The following PLA2G4E variants were observed in gnomAD, a reference collection of about 807,000 sequenced individuals.
The protein encoded by PLA2G4E is cytosolic phospholipase A2 epsilon.
PLA2G4E carries 84 observed loss-of-function variants against 109.1 expected under a neutral mutation model. The ratio of observed to expected loss-of-function variants is 0.77; its 90% CI spans 0.65 to 0.92. PLA2G4E has a LOEUF of 0.92. PLA2G4E is among the 40% of genes least tolerant of loss of function. The pLI is 0.00. For synonymous variants in PLA2G4E, 469 were observed against 436.1 expected, an observed-to-expected ratio of 1.08 and a Z score of -0.94; for missense variants, 1,057 against 1,076.6, an observed-to-expected ratio of 0.98 and a Z score of 0.25.
At chr15:42,032,406 A>G (rs1889128585) in intron 1 of PLA2G4E, among the ~76,000 whole-genome samples, 2 of 152,220 alleles carry the variant, frequency 1.3e-5, no homozygotes, top group African/African-American at 4.8e-5. Context: ...AAGGGGAGGC[A>G]GAAGGGGCAG....
chr15:42,039,623 A>G (rs566227180), intron 1 of PLA2G4E, among the ~76,000 whole-genome samples: 1 of 152,256 alleles, frequency 6.6e-6, no homozygotes, highest in East Asian at 1.9e-4. Flanking sequence ...CTGGATTATA[A>G]AGATAAATAA....
At chr15:42,029,965 T>C (rs1889084817) in intron 1 of PLA2G4E, among the ~76,000 whole-genome samples, 1 of 151,682 alleles carries the variant, frequency 6.6e-6, no homozygotes, top group Admixed American at 6.6e-5. Flanking sequence ...AGAAGAGAGG[T>C]AAAAATAAGC....
intron 1 of PLA2G4E, among the ~76,000 whole-genome samples, chr15:42,024,294 T>C (rs777821047): frequency 6.6e-6 from 1 of 152,084 alleles, no homozygotes; most frequent in Non-Finnish European, 1.5e-5. Context: ...TTTGGTAGAG[T>C]TCCTTCTGTG....
At chr15:42,019,676 G>A (rs2068629461) in intron 1 of PLA2G4E, among the ~76,000 whole-genome samples, 1 of 152,222 alleles carries the variant, frequency 6.6e-6, no homozygotes, top group South Asian at 2.1e-4. Flanking sequence ...GAGACCATTG[G>A]GAGGGGACAT....
intron 7 of PLA2G4E, 83 bp from the exon 8 acceptor site, chr15:42,000,365 A>T: frequency 7.5e-6 from 10 of 1,330,150 alleles, no homozygotes; most frequent in Non-Finnish European, 1.0e-5. Context: ...ACCTATTTGG[A>T]GGTATCCAGG....
At chr15:41,990,045 G>A in intron 14 of PLA2G4E, 76 bp downstream of exon 14, 1 of 1,085,970 alleles carries the variant, frequency 9.2e-7, no homozygotes, top group Non-Finnish European at 1.4e-6. Flanking sequence ...GGGGGACCTG[G>A]AGGTGCTGGG....
intron 1 of PLA2G4E, among the ~76,000 whole-genome samples, chr15:42,029,855 G>T (rs1318172993): frequency 6.6e-6 from 1 of 152,114 alleles, no homozygotes. Flanking sequence ...GTAACATCAG[G>T]GATACAAAGA....
intron 15 of PLA2G4E, 138 bp downstream of exon 15, chr15:41,989,277 C>T (rs1360159337): frequency 1.6e-6 from 2 of 1,228,578 alleles, no homozygotes; most frequent in Non-Finnish European, 2.2e-6. Context: ...CAACTCTGGT[C>T]CCCAGTGACT....
At position 42,040,502 on chromosome 15, in the gene PLA2G4E, AT is replaced by A. The variant is rs371094748; in HGVS notation, c.183+10018del. 2.4e-3 allele frequency among the ~76,000 whole-genome samples: 361 copies of A among 152,364 alleles called. 3 individuals are homozygous for A. Among genetic ancestry groups the A allele is most frequent in the African/African-American group, 8.4e-3 (349 of 41,584 alleles). ...AAGCAAGATATGAAATTGAGATGCA[AT>A]AAAGGAAAATGAATGGATAATTCTG... On this transcript the variant is annotated intron_variant, in intron 1 of 19. Transcript: ENST00000399518.
At chr15:42,013,132 G>A (rs2068554222) in intron 2 of PLA2G4E, among the ~76,000 whole-genome samples, 1 of 152,216 alleles carries the variant, frequency 6.6e-6, no homozygotes, top group African/African-American at 2.4e-5. Context: ...GTGCTGCTAA[G>A]TCAAGCCACA....
At chr15:41,982,151 C>G (rs180921766) in exon 20 of PLA2G4E, 1 of 152,302 alleles carries the variant, frequency 6.6e-6, no homozygotes, top group East Asian at 1.9e-4. Flanking sequence ...CCTCACAACC[C>G]AAAGACTGCT....
chr15:42,045,840 C>G (rs528328715), intron 1 of PLA2G4E, among the ~76,000 whole-genome samples: 1 of 152,192 alleles, frequency 6.6e-6, no homozygotes, highest in African/African-American at 2.4e-5. Context: ...CAACTTGTCT[C>G]CTGAGTTCCA....
intron 1 of PLA2G4E, among the ~76,000 whole-genome samples, chr15:42,021,899 C>T (rs1566847055): frequency 6.6e-6 from 1 of 152,228 alleles, no homozygotes; most frequent in African/African-American, 2.4e-5. Flanking sequence ...ATGGGACAGA[C>T]TGGGCCTGAA....
chr15:41,984,710 C>A, intron 18 of PLA2G4E, 91 bp from the exon 19 acceptor site: 1 of 1,231,588 alleles, frequency 8.1e-7, no homozygotes, highest in East Asian at 2.5e-5. Context: ...CCTGATTTCC[C>A]CAGCTAACAA....
exon 20 of PLA2G4E, chr15:41,983,770 C>A (rs768607606): frequency 2.4e-5 from 38 of 1,593,180 alleles, no homozygotes; most frequent in Non-Finnish European, 2.8e-5. Flanking sequence ...GGGACACTGG[C>A]CCTTCAGGCG....
intron 1 of PLA2G4E, among the ~76,000 whole-genome samples, chr15:42,023,582 T>A (rs1358206344): frequency 6.6e-6 from 1 of 151,946 alleles, no homozygotes; most frequent in Non-Finnish European, 1.5e-5. Flanking sequence ...CCATACAAGC[T>A]AAGTCCAGGA....
chr15:42,031,534 CT>C (rs549362581), intron 1 of PLA2G4E, among the ~76,000 whole-genome samples: 1 of 152,138 alleles, frequency 6.6e-6, no homozygotes, highest in Non-Finnish European at 1.5e-5. Context: ...CTTCATCCTC[CT>C]CTTTCTCCCA....
intron 6 of PLA2G4E, among the ~76,000 whole-genome samples, chr15:42,002,400 G>T (rs1053584773): frequency 5.9e-5 from 9 of 152,034 alleles, no homozygotes; most frequent in Admixed American, 1.3e-4. Context: ...TAAGGGGAAG[G>T]GTCACTTTTG....
At chr15:42,031,934 C>T (rs1337533348) in intron 1 of PLA2G4E, among the ~76,000 whole-genome samples, 1 of 152,144 alleles carries the variant, frequency 6.6e-6, no homozygotes. Context: ...GAAGTGGAGC[C>T]TAGTGGGAAG....
Sources: gnomAD v4.1 joint callset for allele counts (sites outside exome capture counted in the v4.1 genomes callset) on GRCh38, gnomAD v4.1.1 for gene constraint, MANE v1.5 for transcripts, NCBI Gene and HGNC (gene_info 2026-07-23, HGNC 2026-07-21) for gene names.